The following SAMD4A variants were observed in gnomAD, a reference collection of about 807,000 sequenced individuals.
SAMD4A encodes the protein protein Smaug homolog 1.
Under a neutral mutation model 81.3 loss-of-function variants are expected in SAMD4A, and 33 were observed. The observed-to-expected ratio is 0.41, with a 90% CI of 0.31 to 0.54. SAMD4A has a LOEUF of 0.54. SAMD4A is among the 20% of genes least tolerant of loss of function. The pLI is 0.37. For missense variants in SAMD4A, 854 were observed against 951.1 expected (o/e 0.90, Z 1.34); for synonymous variants, 389 against 382.1 (o/e 1.02, Z -0.21).
rs546617416 is a variant in SAMD4A, at chr14:54,774,813, C to CAA, written c.1716-100_1716-99dup. On this transcript the variant is annotated intron_variant, in intron 9 of 12. Coordinates refer to ENST00000554335, the MANE Select transcript of SAMD4A (RefSeq NM_015589.6). The stretch of plus-strand genomic sequence containing the variant: ...TGGGTAACAGAGTGAGACCCTGACT[C>CAA]AAAAAAAAAAAAAAAAAAAAAATGA... 1.2e-3 allele frequency: 788 copies of CAA among 642,760 alleles called. 1 individual carries two copies. Among genetic ancestry groups the CAA allele is most frequent in the Middle Eastern group, 1.6e-3 (4 of 2,530 alleles). The allele number at this position is 642,760 out of a possible 1,614,324, so 39.8% of individuals were successfully genotyped here. A position where few individuals can be genotyped will look rare whatever the true frequency, so the allele number is the denominator to read the frequency against.
Position 54,741,079 on chromosome 14 carries a change from T to C in SAMD4A, c.979+3792T>C, listed in dbSNP as rs916664510. 3.2e-4 allele frequency among the ~76,000 whole-genome samples: 49 copies of C among 152,344 alleles called. 1 individual carries two copies. Among genetic ancestry groups the C allele is most frequent in the Non-Finnish European group, 5.9e-4 (40 of 68,036 alleles). ...GGACTAAGGAGGCTGGTTTGGTTTC[T>C]ACATCCAGTTGTGTTTGTTCATTTC... On this transcript the variant is annotated intron_variant, in intron 4 of 12. Transcript: ENST00000554335.
chr14:54,575,048 T>A (rs148062021), intron 2 of SAMD4A, among the ~76,000 whole-genome samples: 1 of 152,258 alleles, frequency 6.6e-6, no homozygotes, highest in Non-Finnish European at 1.5e-5. Context: ...AGCTTTCAAG[T>A]TTTACGGCTA....
chr14:54,713,919 G>A (rs2037054139), intron 3 of SAMD4A, among the ~76,000 whole-genome samples: 1 of 152,132 alleles, frequency 6.6e-6, no homozygotes, highest in Non-Finnish European at 1.5e-5. Flanking sequence ...CAAGTTACTT[G>A]ACCTCTAAGC....
At chr14:54,710,670 T>C (rs2036966594) in intron 3 of SAMD4A, among the ~76,000 whole-genome samples, 1 of 152,126 alleles carries the variant, frequency 6.6e-6, no homozygotes, top group Non-Finnish European at 1.5e-5. Context: ...CCCACAGGTA[T>C]GAGACCCTGC....
chr14:54,753,286 C>T (rs1275989972), intron 6 of SAMD4A, among the ~76,000 whole-genome samples: 1 of 152,282 alleles, frequency 6.6e-6, no homozygotes, highest in African/African-American at 2.4e-5. Context: ...ACAGAGGTCC[C>T]TGCGGCTTTC....
chr14:54,661,320 A>G (rs1221103703), intron 2 of SAMD4A, among the ~76,000 whole-genome samples: 1 of 152,228 alleles, frequency 6.6e-6, no homozygotes, highest in African/African-American at 2.4e-5. Context: ...TTTTAGATAC[A>G]TAATGTGGAT....
At chr14:54,566,788 G>A (rs2032950596), upstream of SAMD4A, among the ~76,000 whole-genome samples, 1 of 152,016 alleles carries the variant, frequency 6.6e-6, no homozygotes, top group African/African-American at 2.4e-5. Context: ...CACAGTGACC[G>A]CTCCGGCCGG....
intron 6 of SAMD4A, among the ~76,000 whole-genome samples, chr14:54,754,010 T>C (rs964070076): frequency 6.6e-6 from 1 of 152,366 alleles, no homozygotes; most frequent in Non-Finnish European, 1.5e-5. Context: ...CTAAGTGTTA[T>C]GGTAAAAGAG....
In SAMD4A at chr14:54,592,485, A is replaced by C. The variant is rs144683650; in HGVS notation, c.196+24373A>C. On this transcript the variant is annotated intron_variant, in intron 2 of 12. Coordinates refer to ENST00000554335, the MANE Select transcript of SAMD4A (RefSeq NM_015589.6). ...TTTCTTTTTTTGTTTTTTGATACCA[A>C]GTCTCGCTCTGTCGCCCAGGCTGGA... Among the ~76,000 whole-genome samples the C allele has an allele frequency of 6.8e-3, 1,036 of 152,256 alleles. 12 individuals carry two copies. The highest frequency in any genetic ancestry group is 0.023 in the African/African-American group (963 of 41,542).
At chr14:54,680,844 CTT>C (rs917159238) in intron 2 of SAMD4A, among the ~76,000 whole-genome samples, 1 of 152,184 alleles carries the variant, frequency 6.6e-6, no homozygotes, top group African/African-American at 2.4e-5. Flanking sequence ...TCTGGAGTCT[CTT>C]CTCCCCTCAC....
At chr14:54,675,521 G>A (rs562793198) in intron 2 of SAMD4A, among the ~76,000 whole-genome samples, 1 of 152,200 alleles carries the variant, frequency 6.6e-6, no homozygotes, top group Non-Finnish European at 1.5e-5. Flanking sequence ...AAGCAATAGT[G>A]TAAGGACATG....
chr14:54,756,259 A>G (rs1195903876), intron 6 of SAMD4A, among the ~76,000 whole-genome samples: 7 of 152,182 alleles, frequency 4.6e-5, no homozygotes, highest in Non-Finnish European at 1.0e-4. Flanking sequence ...TGATTTTAAG[A>G]AAAAGAAACT....
In SAMD4A at chr14:54,765,816, C is replaced by G. The variant is rs185142803; in HGVS notation, c.1596+1276C>G. Among the ~76,000 whole-genome samples the G allele has an allele frequency of 7.5e-3, 1,143 of 152,234 alleles. 12 individuals carry two copies. Among genetic ancestry groups the G allele is most frequent in the African/African-American group, 0.026 (1,084 of 41,522 alleles). On this transcript the variant is annotated intron_variant, in intron 8 of 12. Transcript: ENST00000554335. The stretch of plus-strand genomic sequence containing the variant: ...GGGCCCTGTGCTATCGAAGTTCTCA[C>G]GGCCCTCACCCACTACCCACACTTC...
chr14:54,712,337 A>AT (rs763730322), intron 3 of SAMD4A, among the ~76,000 whole-genome samples: 4 of 151,954 alleles, frequency 2.6e-5, no homozygotes, highest in South Asian at 2.1e-4. Context: ...AAATTCCATT[A>AT]TTTCCTTAAC....
Position 54,567,861 on chromosome 14 carries a change from G to A in SAMD4A, c.-56G>A, listed in dbSNP as rs574014794. The A allele has an allele frequency of 1.9e-5, 30 of 1,549,592 alleles. No individual in the cohort carries two copies. The South Asian group carries it at 2.8e-4, about 15-fold the overall frequency. On this transcript the variant is annotated 5_prime_UTR_variant, in exon 2 of 13. Transcript: ENST00000554335. ...GCGGCTCCGCCAAACTTTGGGGCGG[G>A]CGGGGCGGGCTGGGGCGCCCAGGGG...
intron 3 of SAMD4A, among the ~76,000 whole-genome samples, chr14:54,731,394 T>A (rs2037555087): frequency 6.6e-6 from 1 of 152,172 alleles, no homozygotes; most frequent in Non-Finnish European, 1.5e-5. Flanking sequence ...AACATAGAAG[T>A]AAAATTCTGC....
intron 11 of SAMD4A, among the ~76,000 whole-genome samples, chr14:54,778,041 T>A (rs1349226341): frequency 2.0e-5 from 3 of 152,206 alleles, no homozygotes; most frequent in African/African-American, 7.2e-5. Context: ...GGACAAGATT[T>A]GAAGAGGTCC....
At chr14:54,568,700 T>C (rs1201625860) in intron 2 of SAMD4A, among the ~76,000 whole-genome samples, 1 of 54,234 alleles carries the variant, frequency 1.8e-5, no homozygotes, top group East Asian at 5.4e-4. Flanking sequence ...CATATATATA[T>C]ATATATATAT....
At chr14:54,689,750 C>T (rs72660229) in intron 2 of SAMD4A, 4,237 of 152,346 alleles carry the variant, frequency 0.028, 98 homozygotes, top group Admixed American at 0.059. Flanking sequence ...GTCCAGGTGA[C>T]TTGACTACCC....
Sources: gnomAD v4.1 joint callset for allele counts (sites outside exome capture counted in the v4.1 genomes callset) on GRCh38, gnomAD v4.1.1 for gene constraint, MANE v1.5 for transcripts, NCBI Gene and HGNC (gene_info 2026-07-23, HGNC 2026-07-21) for gene names.